The following NDUFAF2 variants were observed in gnomAD, a reference collection of about 807,000 sequenced individuals.
NDUFAF2 encodes the protein NADH dehydrogenase [ubiquinone] 1 alpha subcomplex assembly factor 2.
A neutral mutation model predicts 22.8 loss-of-function variants in NDUFAF2; 13 were observed. The observed-to-expected ratio is 0.57, with a 90% CI of 0.37 to 0.91. The LOEUF is 0.91. Ranked by LOEUF, NDUFAF2 falls within the 40% of genes least tolerant of loss-of-function variation. The probability of loss-of-function intolerance (pLI) is 0.01; values close to 1 mark genes in which losing one functional copy is unlikely to be tolerated. For missense variants in NDUFAF2, 162 were observed against 195.2 expected (o/e 0.83, Z 1.01); for synonymous variants, 53 against 64.2 (o/e 0.83, Z 0.84).
intron 1 of NDUFAF2, among the ~76,000 whole-genome samples, chr5:60,958,827 A>T (rs1750649990): frequency 1.3e-5 from 2 of 152,228 alleles, no homozygotes; most frequent in South Asian, 4.1e-4. Flanking sequence ...TCAGGGACTA[A>T]AATATTCTCA....
At chr5:61,041,214 A>C (rs538414883) in intron 1 of NDUFAF2, among the ~76,000 whole-genome samples, 20 of 152,316 alleles carry the variant, frequency 1.3e-4, no homozygotes, top group Non-Finnish European at 2.2e-4. Flanking sequence ...TATAGCTTAC[A>C]TTTCTGAGAT....
chr5:61,045,356 A>C (rs893905828), intron 1 of NDUFAF2, among the ~76,000 whole-genome samples: 14 of 148,026 alleles, frequency 9.5e-5, no homozygotes, highest in Non-Finnish European at 1.9e-4. Flanking sequence ...TTTTATTTTA[A>C]AATTTCATTT....
At chr5:60,982,680 G>A (rs1384551355) in intron 1 of NDUFAF2, among the ~76,000 whole-genome samples, 1 of 151,526 alleles carries the variant, frequency 6.6e-6, no homozygotes, top group East Asian at 2.0e-4. Context: ...ATAGTTTACT[G>A]AGAATGATGG....
intron 1 of NDUFAF2, among the ~76,000 whole-genome samples, chr5:61,019,198 T>C (rs1008385048): frequency 1.4e-4 from 21 of 152,202 alleles, no homozygotes; most frequent in Middle Eastern, 6.8e-3. Context: ...CACAAGAAAA[T>C]TGAAGGATTG....
chr5:60,981,941 A>C (rs895951683), intron 1 of NDUFAF2, among the ~76,000 whole-genome samples: 8 of 152,190 alleles, frequency 5.3e-5, no homozygotes, highest in African/African-American at 1.9e-4. Context: ...CACCATATAC[A>C]AAAATGAAAT....
At chr5:60,960,319 G>A (rs1750667836) in intron 1 of NDUFAF2, among the ~76,000 whole-genome samples, 2 of 152,134 alleles carry the variant, frequency 1.3e-5, no homozygotes, top group Non-Finnish European at 2.9e-5. Flanking sequence ...CCTAGCATTT[G>A]TTGTGACTCG....
intron 3 of NDUFAF2, among the ~76,000 whole-genome samples, chr5:61,127,450 G>A (rs1753051734): frequency 6.6e-6 from 1 of 152,088 alleles, no homozygotes; most frequent in South Asian, 2.1e-4. Flanking sequence ...GATCAAGTGG[G>A]CTTCATCCCT....
chr5:61,068,553 T>C (rs1025267023), intron 1 of NDUFAF2, among the ~76,000 whole-genome samples: 4 of 152,152 alleles, frequency 2.6e-5, no homozygotes, highest in Admixed American at 6.6e-5. Flanking sequence ...GTTACAATAG[T>C]CTGAAAGGGA....
chr5:60,962,703 C>T (rs761731413), intron 1 of NDUFAF2, among the ~76,000 whole-genome samples: 25 of 151,330 alleles, frequency 1.7e-4, no homozygotes, highest in Middle Eastern at 3.4e-3. Context: ...CCTGGTGGCA[C>T]GCGCCTGTAG....
At chr5:60,971,552 G>A (rs1004662900) in intron 1 of NDUFAF2, among the ~76,000 whole-genome samples, 1 of 152,086 alleles carries the variant, frequency 6.6e-6, no homozygotes, top group Non-Finnish European at 1.5e-5. Flanking sequence ...CTCCCAAAGT[G>A]CTGGGATTAC....
intron 1 of NDUFAF2, among the ~76,000 whole-genome samples, chr5:60,948,279 G>A (rs1442148283): frequency 1.3e-5 from 2 of 152,174 alleles, no homozygotes; most frequent in South Asian, 2.1e-4. Flanking sequence ...GAGTGCAGTG[G>A]CGCTATCTCG....
intron 2 of NDUFAF2, among the ~76,000 whole-genome samples, chr5:61,083,628 C>T (rs111430501): frequency 0.018 from 2,576 of 145,574 alleles, 91 homozygotes; most frequent in African/African-American, 0.061. Context: ...CTGCCCACCT[C>T]GGCCTCCCAA....
intron 2 of NDUFAF2, among the ~76,000 whole-genome samples, chr5:61,097,641 A>G (rs532805230): frequency 1.3e-5 from 2 of 152,346 alleles, no homozygotes; most frequent in East Asian, 1.9e-4. Flanking sequence ...CGCTAATTAT[A>G]TGGCATTAGG....
intron 1 of NDUFAF2, among the ~76,000 whole-genome samples, chr5:60,986,491 G>A (rs1032580748): frequency 1.3e-5 from 2 of 152,078 alleles, no homozygotes; most frequent in Non-Finnish European, 2.9e-5. Context: ...GAAATTTCTG[G>A]CACTATACAC....
chr5:60,945,371 A>T lies in NDUFAF2; in HGVS notation c.116A>T (p.Lys39Met), dbSNP rs766160147. 3 of 1,614,092 alleles carry T rather than the reference A, an allele frequency of 1.9e-6. No individual in the cohort carries two copies. Among genetic ancestry groups the T allele is most frequent in the Middle Eastern group, 3.3e-4 (2 of 6,084 alleles). Residue 39 changes from lysine (K) to methionine (M), a missense_variant, in exon 1 of 4, where the codon AAG becomes ATG. Physicochemically the swap from Lys to Met is moderately conservative, Grantham distance 95 (BLOSUM62 -1). Around this residue, in one of 2 missense-constraint regions of NDUFAF2, gnomAD observed 94 missense variants for 85.2 expected, o/e 1.10. Transcript: ENST00000296597. ...GNKYYYIPQY[K>M]NWRGQTIREK... ...AAATACTACTACATCCCGCAGTACA[A>T]GAACTGGAGAGGTGAGGTGGCGGCG...
intron 1 of NDUFAF2, among the ~76,000 whole-genome samples, chr5:61,047,144 CTTATGATGAT>C (rs571964377): frequency 0.017 from 2,585 of 152,238 alleles, 78 homozygotes; most frequent in African/African-American, 0.059. Flanking sequence ...CAAAACCTGA[CTTATGATGAT>C]TCTTCTACTT....
At chr5:60,985,453 C>T (rs1445414797) in intron 1 of NDUFAF2, among the ~76,000 whole-genome samples, 3 of 152,030 alleles carry the variant, frequency 2.0e-5, no homozygotes, top group African/African-American at 4.8e-5. Flanking sequence ...AATGTGTTTG[C>T]TCTTGCTTCT....
At chr5:61,013,246 G>C (rs1257655896) in intron 1 of NDUFAF2, among the ~76,000 whole-genome samples, 1 of 151,854 alleles carries the variant, frequency 6.6e-6, no homozygotes, top group Non-Finnish European at 1.5e-5. Flanking sequence ...AAATATGGTA[G>C]TACAATTTTG....
At position 61,073,344 on chromosome 5, in the gene NDUFAF2, CTT is replaced by C. The variant is rs559682824; in HGVS notation, c.217+132_217+133del. The stretch of plus-strand genomic sequence containing the variant: ...AGTTTTAGTGTCTGAATGTTTGAAA[CTT>C]TGTTTTTTTAACATTGCATTTCTTT... On this transcript the variant is annotated intron_variant, in intron 2 of 3. Coordinates refer to ENST00000296597, the MANE Select transcript of NDUFAF2 (RefSeq NM_174889.5). The C allele has an allele frequency of 2.2e-3, 1,647 of 740,452 alleles. 6 individuals carry two copies. The highest frequency in any genetic ancestry group is 2.3e-3 in the Non-Finnish European group (991 of 423,300). The allele number at this position is 740,452 out of a possible 1,614,324, so 45.9% of individuals were successfully genotyped here.
Sources: gnomAD v4.1 joint callset for allele counts (sites outside exome capture counted in the v4.1 genomes callset) on GRCh38, gnomAD v4.1.1 for gene constraint, gnomAD v4.1.1 regional missense constraint, MANE v1.5 for transcripts, NCBI Gene and HGNC (gene_info 2026-07-23, HGNC 2026-07-21) for gene names.